Variants in COPS4 observed in about 807,000 individuals in gnomAD.
The protein encoded by COPS4 is COP9 signalosome complex subunit 4.
COPS4 carries 8 observed loss-of-function variants against 55.1 expected under a neutral mutation model. That is an observed-to-expected ratio of 0.15 (90% CI 0.09 to 0.26). The LOEUF (loss-of-function observed/expected upper bound fraction) is 0.26, where lower values mean the gene tolerates loss of function less well. COPS4 is among the 10% of genes least tolerant of loss of function. The pLI, the probability that COPS4 is intolerant of heterozygous loss-of-function variation, is 1.00. For missense variants in COPS4, 248 were observed against 484.0 expected, an observed-to-expected ratio of 0.51 and a Z score of 4.58; for synonymous variants, 185 against 165.7, an observed-to-expected ratio of 1.12 and a Z score of -0.90.
At position 83,057,339 on chromosome 4, in the gene COPS4, A is replaced by G. The variant is rs774049558; in HGVS notation, c.646A>G (p.Ile216Val). 8.1e-6 allele frequency: 13 copies of G among 1,613,334 alleles called. No homozygotes were observed. The Admixed American group carries it at 1.7e-4, about 21-fold the overall frequency. Reference protein sequence around the residue: ...QRYNELSYKTIVHESERLEAL... With the variant: ...QRYNELSYKTVVHESERLEAL... ...GTACAATGAGCTCTCTTACAAGACAATAGTCCACGAAAGTGAAAGACTAGA... is the reference window on the plus strand; with the variant it reads ...GTACAATGAGCTCTCTTACAAGACAGTAGTCCACGAAAGTGAAAGACTAGA... Residue 216 changes from isoleucine to valine, a missense_variant, in exon 6 of 10, where the codon ATA (isoleucine) becomes GTA (valine). Ile to Val is a conservative substitution (Grantham distance 29). Around this residue, in one of 4 missense-constraint regions of COPS4, gnomAD observed 155 missense variants for 326.6 expected, o/e 0.47. Coordinates refer to ENST00000264389, the MANE Select transcript of COPS4 (RefSeq NM_016129.3).
chr4:83,043,878 A>G (rs1213360292), intron 1 of COPS4, among the ~76,000 whole-genome samples: 1 of 152,150 alleles, frequency 6.6e-6, no homozygotes, highest in Non-Finnish European at 1.5e-5. Flanking sequence ...GGAATTTGCT[A>G]TCTTTTCTAT....
rs144138756 is a variant in COPS4 at position 83,035,236 on chromosome 4, C to T, written c.12C>T (p.Ala4=). 9.5e-6 allele frequency: 15 copies of T among 1,570,780 alleles called. No individual in the cohort carries two copies. The African/African-American group carries it at 1.9e-4, about 20-fold the overall frequency. The part of the protein sequence containing the change: MAA[A]VRQDLAQLMN... ...GAGCTGGGAGAAAGATGGCGGCAGC[C>T]GTGCGACAGGATTTGGCCCAGCTCA... Residue 4 remains alanine, a synonymous_variant, in exon 1 of 10, where the codon GCC becomes GCT. Transcript: ENST00000264389.
intron 1 of COPS4, among the ~76,000 whole-genome samples, chr4:83,042,589 A>T (rs1730595814): frequency 6.7e-6 from 1 of 149,300 alleles, no homozygotes; most frequent in Admixed American, 6.7e-5. Flanking sequence ...AATTTTTGTA[A>T]TTTTTTTTTA....
At chr4:83,074,657 T>C (rs1262785515) in intron 9 of COPS4, among the ~76,000 whole-genome samples, 1 of 151,362 alleles carries the variant, frequency 6.6e-6, no homozygotes, top group African/African-American at 2.4e-5. Flanking sequence ...TTCTTTTTTT[T>C]TTTTTAATTC....
In COPS4 at chr4:83,063,058, C is replaced by T. The variant is rs775876615; in HGVS notation, c.716-18C>T. On this transcript the variant is annotated intron_variant, in intron 6 of 9. Coordinates refer to ENST00000264389, the MANE Select transcript of COPS4 (RefSeq NM_016129.3). The stretch of plus-strand genomic sequence containing the variant: ...GAAAATAACATTGTGAAATTTGATG[C>T]TCATTTATTTCTCTTAGGGCAGCAG... The T allele has an allele frequency of 2.7e-6, 4 of 1,506,472 alleles. No individual in the cohort carries two copies. The highest frequency in any genetic ancestry group is 2.7e-5 in the South Asian group (2 of 75,378). The allele number at this position is 1,506,472 out of a possible 1,614,324, so 93.3% of individuals were successfully genotyped here. A position where few individuals can be genotyped will look rare whatever the true frequency, so the allele number is the denominator to read the frequency against.
At position 83,049,982 on chromosome 4, in the gene COPS4, A is replaced by G. The variant is rs1273014277; in HGVS notation, c.408A>G (p.Gln136=). The G allele has an allele frequency of 6.4e-7, 1 of 1,567,320 alleles. No homozygotes were observed. Among genetic ancestry groups the G allele is most frequent in the African/African-American group, 1.4e-5 (1 of 73,654 alleles). ...VLVGIPLETG[Q]KQYNVDYKLE... ...TGGGAATTCCTTTGGAAACAGGACA[A>G]AAGTATAGTAAATAGTGGATATTGG... The change falls in exon 4 of 10, where the codon CAA becomes CAG. Residue 136 remains glutamine (Q), a splice_region_variant and synonymous_variant. Coordinates refer to ENST00000264389, the MANE Select transcript of COPS4 (RefSeq NM_016129.3).
intron 1 of COPS4, among the ~76,000 whole-genome samples, chr4:83,041,715 C>T (rs2126127702): frequency 6.6e-6 from 1 of 151,948 alleles, no homozygotes; most frequent in South Asian, 2.1e-4. Flanking sequence ...CGATCGTCTT[C>T]CTTGGCCTCC....
intron 4 of COPS4, 64 bp downstream of exon 4, chr4:83,050,048 T>G: frequency 1.0e-6 from 1 of 958,336 alleles, no homozygotes; most frequent in South Asian, 1.6e-5. Context: ...CACTTATATT[T>G]TTTCTTACAT....
intron 6 of COPS4, among the ~76,000 whole-genome samples, chr4:83,060,519 G>A (rs962798910): frequency 2.6e-5 from 4 of 151,350 alleles, no homozygotes; most frequent in Non-Finnish European, 4.4e-5. Context: ...CGTTAGCCAG[G>A]ATGGTGTCGA....
At chr4:83,066,340 T>G in intron 7 of COPS4, 98 bp from the exon 8 acceptor site, 2 of 574,542 alleles carry the variant, frequency 3.5e-6, no homozygotes, top group Non-Finnish European at 6.2e-6. Context: ...TTAAAGAGGA[T>G]GAGTTATTAC....
rs571464490 is a variant in COPS4 at position 83,075,533 on chromosome 4, C to T, written c.*103C>T. On this transcript the variant is annotated 3_prime_UTR_variant, in exon 10 of 10. Coordinates refer to ENST00000264389, the MANE Select transcript of COPS4 (RefSeq NM_016129.3). ...CATCATGACCTTATACATTTCAATCCCTTTTATGCTGGATTCCGTTTAAAG... is the reference window on the plus strand; with the variant it reads ...CATCATGACCTTATACATTTCAATCTCTTTTATGCTGGATTCCGTTTAAAG... 6.2e-6 allele frequency: 8 copies of T among 1,291,090 alleles called. No homozygotes were observed. The highest frequency in any genetic ancestry group is 8.5e-6 in the Non-Finnish European group (8 of 935,756). The allele number at this position is 1,291,090 out of a possible 1,614,324, so 80.0% of individuals were successfully genotyped here.
At chr4:83,067,636 C>G (rs190176935) in intron 8 of COPS4, among the ~76,000 whole-genome samples, 2 of 151,312 alleles carry the variant, frequency 1.3e-5, no homozygotes. Flanking sequence ...AGTGCTGGGA[C>G]TACAGGCATG....
intron 1 of COPS4, among the ~76,000 whole-genome samples, chr4:83,038,198 T>C (rs1287847227): frequency 6.6e-6 from 1 of 152,258 alleles, no homozygotes; most frequent in Non-Finnish European, 1.5e-5. Flanking sequence ...CACAACAGTT[T>C]TAGTGGTTTT....
At chr4:83,036,550 G>A (rs984597775) in intron 1 of COPS4, among the ~76,000 whole-genome samples, 2 of 152,100 alleles carry the variant, frequency 1.3e-5, no homozygotes, top group African/African-American at 2.4e-5. Flanking sequence ...GATAATAATA[G>A]GACTTATTCT....
intron 8 of COPS4, among the ~76,000 whole-genome samples, chr4:83,067,978 G>A (rs1731329263): frequency 6.6e-6 from 1 of 152,196 alleles, no homozygotes; most frequent in Non-Finnish European, 1.5e-5. Flanking sequence ...GAGTTAGGTA[G>A]TAGACCTTTT....
At chr4:83,061,380 A>G (rs1731161331) in intron 6 of COPS4, among the ~76,000 whole-genome samples, 1 of 152,188 alleles carries the variant, frequency 6.6e-6, no homozygotes, top group Non-Finnish European at 1.5e-5. Context: ...CCCTACAAGA[A>G]TAATGACTAG....
chr4:83,060,782 C>G (rs532615981), intron 6 of COPS4, among the ~76,000 whole-genome samples: 1 of 151,622 alleles, frequency 6.6e-6, no homozygotes, highest in Non-Finnish European at 1.5e-5. Context: ...CGCCTGTAAT[C>G]CCAGCACTTT....
At chr4:83,054,935 A>G (rs1006278572) in intron 4 of COPS4, among the ~76,000 whole-genome samples, 1 of 152,222 alleles carries the variant, frequency 6.6e-6, no homozygotes, top group African/African-American at 2.4e-5. Context: ...CACTTGGCAA[A>G]AAATTGGAAA....
At chr4:83,051,278 GTGA>G (rs1730883135) in intron 4 of COPS4, among the ~76,000 whole-genome samples, 1 of 151,924 alleles carries the variant, frequency 6.6e-6, no homozygotes. Context: ...GCTGGGCCTG[GTGA>G]TATAGTATGG....
Sources: gnomAD v4.1 joint callset for allele counts (sites outside exome capture counted in the v4.1 genomes callset) on GRCh38, gnomAD v4.1.1 for gene constraint, gnomAD v4.1.1 regional missense constraint, MANE v1.5 for transcripts, NCBI Gene and HGNC (gene_info 2026-07-23, HGNC 2026-07-21) for gene names.